GAS7: variants seen among roughly 807,000 people sequenced by gnomAD.
The protein encoded by GAS7 is growth arrest specific 7, also known as growth arrest-specific protein 7.
In GAS7, 28 loss-of-function variants were observed where a neutral mutation model predicts 71.1. The ratio of observed to expected loss-of-function variants is 0.39; its 90% CI spans 0.29 to 0.54. The LOEUF is 0.54. Ranked by LOEUF, GAS7 falls within the 20% of genes least tolerant of loss-of-function variation. The pLI is 0.62. For synonymous variants in GAS7, 258 were observed against 245.8 expected, an observed-to-expected ratio of 1.05 and a Z score of -0.46; for missense variants, 436 against 627.8, an observed-to-expected ratio of 0.69 and a Z score of 3.27.
At chr17:10,110,892 C>T (rs185573942) in intron 1 of GAS7, among the ~76,000 whole-genome samples, 81 of 152,348 alleles carry the variant, frequency 5.3e-4, no homozygotes, top group African/African-American at 1.9e-3. Context: ...ATGACTGACG[C>T]TAAGGTTATG....
chr17:10,062,433 C>T (rs1041536661), intron 1 of GAS7, among the ~76,000 whole-genome samples: 15 of 151,996 alleles, frequency 9.9e-5, no homozygotes, highest in African/African-American at 3.1e-4. Context: ...TGCAGTGAGC[C>T]GAGATTGCGT....
At chr17:10,065,625 T>G (rs1252188156) in intron 1 of GAS7, among the ~76,000 whole-genome samples, 8 of 152,372 alleles carry the variant, frequency 5.3e-5, no homozygotes, top group Non-Finnish European at 1.2e-4. Context: ...CTTACTCAGA[T>G]AACCCAGGAA....
chr17:10,177,652 A>C (rs2074383212), intron 1 of GAS7, among the ~76,000 whole-genome samples: 1 of 152,150 alleles, frequency 6.6e-6, no homozygotes, highest in South Asian at 2.1e-4. Context: ...AGCCATAGAA[A>C]GCCAAGTACA....
intron 1 of GAS7, among the ~76,000 whole-genome samples, chr17:10,098,092 G>A (rs1452337887): frequency 1.3e-5 from 2 of 150,202 alleles, no homozygotes; most frequent in African/African-American, 4.9e-5. Context: ...TTGTGCCCAA[G>A]AGACCCTGGG....
At chr17:10,184,556 C>T (rs1458923921) in intron 1 of GAS7, among the ~76,000 whole-genome samples, 2 of 152,226 alleles carry the variant, frequency 1.3e-5, no homozygotes, top group Non-Finnish European at 2.9e-5. Flanking sequence ...TGCCTTGCTA[C>T]TCAAATTGTG....
At chr17:10,078,409 G>A (rs543349243) in intron 1 of GAS7, among the ~76,000 whole-genome samples, 2 of 152,104 alleles carry the variant, frequency 1.3e-5, no homozygotes, top group Non-Finnish European at 2.9e-5. Flanking sequence ...GTTTTTAAAG[G>A]GCTAGTGAAG....
chr17:9,911,996 T>C lies in GAS7; in HGVS notation c.*5232A>G, dbSNP rs962033559. On this transcript the variant is annotated 3_prime_UTR_variant, in exon 14 of 14. Transcript: ENST00000432992. This position sits in a 1 kb window ranked among gnomAD's most constrained non-coding sequence, Gnocchi z 4.0. ...TGCAGGTACAGGCCAGGCTGTGTGA[T>C]CACCAGCTAGGCAAGGCTCCAGCTG... 25 of 231,992 alleles carry C rather than the reference T, an allele frequency of 1.1e-4. No individual in the cohort carries two copies. Among genetic ancestry groups the C allele is most frequent in the Admixed American group, 6.8e-4 (12 of 17,750 alleles). 14.4% of individuals were successfully genotyped at this position (231,992 alleles called of 1,614,324 possible). A position where few individuals can be genotyped will look rare whatever the true frequency, so the allele number is the denominator to read the frequency against.
chr17:10,029,942 G>A (rs1209983145), intron 1 of GAS7, among the ~76,000 whole-genome samples: 1 of 152,074 alleles, frequency 6.6e-6, no homozygotes, highest in Non-Finnish European at 1.5e-5. Flanking sequence ...AGAACACCGA[G>A]GGAGATGGAA....
chr17:10,107,605 G>A (rs1329592889), intron 1 of GAS7, among the ~76,000 whole-genome samples: 3 of 147,346 alleles, frequency 2.0e-5, no homozygotes, highest in Non-Finnish European at 3.0e-5. Context: ...TAGGGAAACC[G>A]CCTTACACAC....
At chr17:10,188,960 T>C (rs1383559833) in intron 1 of GAS7, among the ~76,000 whole-genome samples, 2 of 152,222 alleles carry the variant, frequency 1.3e-5, no homozygotes, top group Admixed American at 6.5e-5. Flanking sequence ...TGTTTTATTA[T>C]GAAGTGTCTA....
chr17:10,115,067 G>A (rs868439509), intron 1 of GAS7, among the ~76,000 whole-genome samples: 2 of 152,320 alleles, frequency 1.3e-5, no homozygotes, highest in Admixed American at 6.5e-5. Flanking sequence ...CTCTGTGCCA[G>A]ACCCAAGCTG....
intron 1 of GAS7, among the ~76,000 whole-genome samples, chr17:10,121,705 G>A (rs1045161603): frequency 2.0e-5 from 3 of 152,166 alleles, no homozygotes; most frequent in African/African-American, 7.2e-5. Context: ...TTGTTCACCT[G>A]TGGGTTGAGG....
intron 2 of GAS7, among the ~76,000 whole-genome samples, chr17:10,010,900 A>C (rs2071744882): frequency 6.6e-6 from 1 of 152,200 alleles, no homozygotes; most frequent in Admixed American, 6.5e-5. Flanking sequence ...TCTCCGTGCA[A>C]AACCAGCCAT....
chr17:10,173,584 C>G (rs1420194533), intron 1 of GAS7, among the ~76,000 whole-genome samples: 1 of 151,808 alleles, frequency 6.6e-6, no homozygotes, highest in African/African-American at 2.4e-5. Flanking sequence ...CTGGCTAACA[C>G]GGTGAAACCC....
chr17:10,123,919 G>A (rs1364156776), intron 1 of GAS7, among the ~76,000 whole-genome samples: 1 of 152,192 alleles, frequency 6.6e-6, no homozygotes, highest in East Asian at 1.9e-4. Flanking sequence ...CCCAGTGTCC[G>A]GGCCACACAA....
In GAS7 at chr17:9,981,804, C is replaced by A; in HGVS notation, c.385G>T (p.Val129Leu). The A allele has an allele frequency of 6.4e-7, 1 of 1,559,722 alleles. No homozygotes were observed. Among genetic ancestry groups the A allele is most frequent in the Non-Finnish European group, 8.8e-7 (1 of 1,130,364 alleles). The change falls in exon 3 of 14, where the codon GTG (valine) becomes TTG (leucine). Residue 129 changes from valine (V) to leucine (L), a missense_variant and splice_region_variant. Val to Leu is a conservative substitution (Grantham distance 32). Coordinates refer to ENST00000432992, the MANE Select transcript of GAS7 (RefSeq NM_201433.2). This position sits in a 1 kb window ranked among gnomAD's most constrained non-coding sequence, Gnocchi z 4.4. ...CCCCAAAGCAGACAGCGGACATTAC[C>A]TGTTGGAGGCAGAGAGCTCCTGTGA... ...GSHRSSLPPT[V>L]NGYHASGTPA...
chr17:10,194,772 G>C (rs530763985), intron 1 of GAS7, among the ~76,000 whole-genome samples: 1 of 145,916 alleles, frequency 6.9e-6, no homozygotes, highest in African/African-American at 2.5e-5. Context: ...AGGAGATCGA[G>C]ACCATGCTGG....
intron 1 of GAS7, among the ~76,000 whole-genome samples, chr17:10,162,754 G>T (rs1206175420): frequency 3.9e-5 from 6 of 152,166 alleles, no homozygotes; most frequent in Admixed American, 3.9e-4. Flanking sequence ...CACACGAGGG[G>T]AAGTATATGA....
chr17:10,111,916 A>G (rs1555534049), intron 1 of GAS7, among the ~76,000 whole-genome samples: 1 of 152,210 alleles, frequency 6.6e-6, no homozygotes, highest in Non-Finnish European at 1.5e-5. Flanking sequence ...TTTTCATGCT[A>G]AAAGCATACA....
Sources: gnomAD v4.1 joint callset for allele counts (sites outside exome capture counted in the v4.1 genomes callset) on GRCh38, gnomAD v4.1.1 for gene constraint, Gnocchi (gnomAD v3.1) non-coding constraint, MANE v1.5 for transcripts, NCBI Gene and HGNC (gene_info 2026-07-23, HGNC 2026-07-21) for gene names.